CAMK4: variants seen among roughly 807,000 people sequenced by gnomAD.
CAMK4 encodes the protein calcium/calmodulin dependent protein kinase IV, also known as calcium/calmodulin-dependent protein kinase type IV.
CAMK4 carries 22 observed loss-of-function variants against 44.9 expected under a neutral mutation model. The ratio of observed to expected loss-of-function variants is 0.49; its 90% CI spans 0.35 to 0.70. The LOEUF (loss-of-function observed/expected upper bound fraction) is 0.70, where lower values mean the gene tolerates loss of function less well. CAMK4 is among the 30% of genes least tolerant of loss of function. The probability of loss-of-function intolerance (pLI) is 0.01; values close to 1 mark genes in which losing one functional copy is unlikely to be tolerated. For missense variants in CAMK4, 498 were observed against 586.8 expected, an observed-to-expected ratio of 0.85 and a Z score of 1.56; for synonymous variants, 218 against 215.4, an observed-to-expected ratio of 1.01 and a Z score of -0.11.
At chr5:111,426,825 A>G (rs1215190841) in intron 5 of CAMK4, among the ~76,000 whole-genome samples, 10 of 152,302 alleles carry the variant, frequency 6.6e-5, no homozygotes, top group East Asian at 1.9e-4. Flanking sequence ...AGTCAGAGGG[A>G]AATTGTGGAT....
intron 1 of CAMK4, among the ~76,000 whole-genome samples, chr5:111,294,328 C>T (rs866706967): frequency 3.9e-5 from 6 of 152,074 alleles, no homozygotes; most frequent in African/African-American, 1.2e-4. Flanking sequence ...GAAAAATCAC[C>T]CCCAATTACA....
intron 7 of CAMK4, among the ~76,000 whole-genome samples, chr5:111,460,753 G>A (rs1348020675): frequency 6.6e-6 from 1 of 152,156 alleles, no homozygotes; most frequent in Admixed American, 6.5e-5. Context: ...GACTCAGTCT[G>A]ATTCAGAGTT....
At chr5:111,356,478 C>A (rs1750360885) in intron 2 of CAMK4, among the ~76,000 whole-genome samples, 1 of 152,196 alleles carries the variant, frequency 6.6e-6, no homozygotes, top group Non-Finnish European at 1.5e-5. Context: ...ATGGTAGTTT[C>A]TTTTGCTGTG....
At chr5:111,429,634 G>C (rs1753358820) in intron 5 of CAMK4, among the ~76,000 whole-genome samples, 1 of 151,632 alleles carries the variant, frequency 6.6e-6, no homozygotes, top group Admixed American at 6.6e-5. Flanking sequence ...AAATCAGCCA[G>C]GCATGGTGGT....
At chr5:111,380,536 C>T (rs1434982214) in intron 4 of CAMK4, among the ~76,000 whole-genome samples, 1 of 152,044 alleles carries the variant, frequency 6.6e-6, no homozygotes, top group Non-Finnish European at 1.5e-5. Context: ...TTCAAAAGGC[C>T]CCAATGTGTG....
intron 4 of CAMK4, among the ~76,000 whole-genome samples, chr5:111,383,275 C>T (rs1161950684): frequency 6.6e-6 from 1 of 152,104 alleles, no homozygotes; most frequent in Non-Finnish European, 1.5e-5. Context: ...AACTCTTCTT[C>T]CTCTGAAGCA....
At chr5:111,412,610 A>G (rs1215789646) in intron 5 of CAMK4, among the ~76,000 whole-genome samples, 1 of 152,200 alleles carries the variant, frequency 6.6e-6, no homozygotes, top group South Asian at 2.1e-4. Flanking sequence ...TGTCATTCAT[A>G]GGTAAAGGCA....
chr5:111,345,202 A>G (rs1442513048), intron 2 of CAMK4, among the ~76,000 whole-genome samples: 2 of 151,922 alleles, frequency 1.3e-5, no homozygotes, highest in Non-Finnish European at 2.9e-5. Context: ...ATATTTTTAA[A>G]CAATCTGTTA....
At chr5:111,338,617 T>C (rs1749508918) in intron 1 of CAMK4, among the ~76,000 whole-genome samples, 1 of 151,388 alleles carries the variant, frequency 6.6e-6, no homozygotes, top group Admixed American at 6.6e-5. Flanking sequence ...TCTAAATCTT[T>C]AATGCATTTT....
chr5:111,362,792 T>C (rs969477158), intron 2 of CAMK4, among the ~76,000 whole-genome samples: 1 of 152,016 alleles, frequency 6.6e-6, no homozygotes, highest in African/African-American at 2.4e-5. Flanking sequence ...CCAGGCTCTG[T>C]GCCCATGGAG....
chr5:111,261,341 T>TA (rs1749965262), intron 1 of CAMK4, among the ~76,000 whole-genome samples: 1 of 152,206 alleles, frequency 6.6e-6, no homozygotes, highest in African/African-American at 2.4e-5. Context: ...ATGCACTAGT[T>TA]ATTGTTTGCT....
intron 1 of CAMK4, among the ~76,000 whole-genome samples, chr5:111,332,080 C>A (rs1749190017): frequency 6.6e-6 from 1 of 151,474 alleles, no homozygotes; most frequent in Admixed American, 6.6e-5. Flanking sequence ...GCATCCTTTT[C>A]TTTTTTATTA....
intron 2 of CAMK4, among the ~76,000 whole-genome samples, chr5:111,357,346 C>A (rs1750406000): frequency 6.6e-6 from 1 of 152,004 alleles, no homozygotes; most frequent in African/African-American, 2.4e-5. Flanking sequence ...AGAGTGCTGT[C>A]CAATGGACCA....
intron 1 of CAMK4, among the ~76,000 whole-genome samples, chr5:111,301,052 G>C (rs555580240): frequency 2.5e-4 from 38 of 152,026 alleles, no homozygotes; most frequent in African/African-American, 9.2e-4. Flanking sequence ...TGCTGGAGAA[G>C]GATTTAATAG....
chr5:111,356,695 G>T (rs1580644259), intron 2 of CAMK4, among the ~76,000 whole-genome samples: 1 of 152,244 alleles, frequency 6.6e-6, no homozygotes, highest in African/African-American at 2.4e-5. Context: ...GTGTAAGGAA[G>T]GGATCCAGTT....
At chr5:111,337,970 A>C (rs1749478048) in intron 1 of CAMK4, among the ~76,000 whole-genome samples, 1 of 151,208 alleles carries the variant, frequency 6.6e-6, no homozygotes, top group Non-Finnish European at 1.5e-5. Flanking sequence ...CTGTGTAATC[A>C]GCTTTCACAA....
At chr5:111,425,794 G>A (rs917414609) in intron 5 of CAMK4, among the ~76,000 whole-genome samples, 1 of 152,054 alleles carries the variant, frequency 6.6e-6, no homozygotes, top group African/African-American at 2.4e-5. Context: ...GTATTAAGAT[G>A]CATTTAATTT....
intron 4 of CAMK4, among the ~76,000 whole-genome samples, chr5:111,389,578 C>T (rs1751727555): frequency 6.6e-6 from 1 of 152,140 alleles, no homozygotes; most frequent in African/African-American, 2.4e-5. Context: ...TCTCTTCAAC[C>T]ACAAGGAGTG....
chr5:111,247,113 T>C (rs556457943), intron 1 of CAMK4, among the ~76,000 whole-genome samples: 1 of 152,026 alleles, frequency 6.6e-6, no homozygotes, highest in African/African-American at 2.4e-5. Context: ...TACATATATA[T>C]ATTATGCCCA....
Sources: allele counts gnomAD v4.1 joint callset (sites outside exome capture counted in the v4.1 genomes callset), GRCh38; gene constraint gnomAD v4.1.1; transcripts MANE v1.5; gene names NCBI Gene and HGNC (gene_info 2026-07-23, HGNC 2026-07-21).